Variants in RPRD2 observed in about 807,000 individuals in gnomAD.
RPRD2 encodes the protein regulation of nuclear pre-mRNA domain-containing protein 2.
A neutral mutation model predicts 104.4 loss-of-function variants in RPRD2; 12 were observed. That is an observed-to-expected ratio of 0.11 (90% CI 0.07 to 0.19). The LOEUF (loss-of-function observed/expected upper bound fraction) is 0.19, where lower values mean the gene tolerates loss of function less well. Among genes scored for constraint, RPRD2 ranks in the 10% least tolerant of loss-of-function variants. RPRD2 has a pLI of 1.00. For synonymous variants in RPRD2, 714 were observed against 684.9 expected, an observed-to-expected ratio of 1.04 and a Z score of -0.66; for missense variants, 1,543 against 1,790.1, an observed-to-expected ratio of 0.86 and a Z score of 2.49.
chr1:150,395,431 C>T lies in RPRD2; in HGVS notation c.206-22165C>T, dbSNP rs1055281845. ...CATCACAGCACCACAGTTTCTTTAC[C>T]CATTGACTGATGGGCATTTGGGTTG... is the stretch of plus-strand genomic sequence containing the variant. On this transcript the variant is annotated intron_variant, in intron 1 of 10. Transcript: ENST00000369068. Among the ~76,000 whole-genome samples the T allele has an allele frequency of 4.7e-5, 7 of 149,918 alleles. No individual in the cohort carries two copies. In the East Asian group the frequency reaches 1.2e-3, roughly 25 times the overall value.
intron 1 of RPRD2, among the ~76,000 whole-genome samples, chr1:150,408,707 G>T (rs981042813): frequency 1.2e-4 from 18 of 152,132 alleles, no homozygotes; most frequent in Non-Finnish European, 2.9e-5. Flanking sequence ...TTATAGACAT[G>T]TACTTATTAT....
intron 1 of RPRD2, 56 bp downstream of exon 1, chr1:150,364,975 G>A: frequency 2.6e-6 from 4 of 1,565,380 alleles, no homozygotes; most frequent in Non-Finnish European, 3.5e-6. Context: ...AGGAAGTGTG[G>A]CCTGAAACGC....
chr1:150,439,103 G>A (rs1456473864), intron 2 of RPRD2, among the ~76,000 whole-genome samples: 6 of 152,080 alleles, frequency 3.9e-5, no homozygotes, highest in African/African-American at 9.7e-5. Context: ...AAAGTGCTGC[G>A]ATTACAGGCA....
At chr1:150,447,524 G>A (rs587657025) in intron 7 of RPRD2, among the ~76,000 whole-genome samples, 1 of 150,336 alleles carries the variant, frequency 6.7e-6, no homozygotes, top group East Asian at 2.0e-4. Flanking sequence ...AGTAGAGATG[G>A]GGTTTCTCCA....
Position 150,440,915 on chromosome 1 carries a change from G to C in RPRD2, c.336-8G>C. On this transcript the variant is annotated splice_polypyrimidine_tract_variant and splice_region_variant and intron_variant, in intron 2 of 10. Coordinates refer to ENST00000369068, the MANE Select transcript of RPRD2 (RefSeq NM_015203.5). ...TTATAGTCTGTATTACTTTTTCTTT[G>C]TTTTCAGGGATCCATCTGTCTCTAA... 2 of 1,451,572 alleles carry C rather than the reference G, an allele frequency of 1.4e-6. No individual in the cohort carries two copies. Among genetic ancestry groups the C allele is most frequent in the Non-Finnish European group, 1.9e-6 (2 of 1,056,236 alleles). The allele number at this position is 1,451,572 out of a possible 1,614,324, so 89.9% of individuals were successfully genotyped here.
In RPRD2 at chr1:150,402,148, C is replaced by T. The variant is rs1224322393; in HGVS notation, c.206-15448C>T. 4.0e-5 allele frequency among the ~76,000 whole-genome samples: 6 copies of T among 151,360 alleles called. No homozygotes were observed. In the South Asian group the frequency reaches 6.2e-4, roughly 16 times the overall value. On this transcript the variant is annotated intron_variant, in intron 1 of 10. Coordinates refer to ENST00000369068, the MANE Select transcript of RPRD2 (RefSeq NM_015203.5). ...TAATTTTTTGTATTTTTAGTAGAGA[C>T]GGGGTTTCACCATCTTGGCCAGGCT...
chr1:150,379,198 G>C (rs1392721726), intron 1 of RPRD2, among the ~76,000 whole-genome samples: 1 of 150,882 alleles, frequency 6.6e-6, no homozygotes, highest in Non-Finnish European at 1.5e-5. Context: ...CAGGAGAATT[G>C]CTTGAACCTG....
intron 2 of RPRD2, among the ~76,000 whole-genome samples, chr1:150,420,821 G>T (rs782206967): frequency 4.6e-5 from 7 of 152,008 alleles, no homozygotes; most frequent in Non-Finnish European, 7.4e-5. Flanking sequence ...GCAAGACCCC[G>T]TCTCAAGAAA....
At chr1:150,383,279 G>A (rs1190416600) in intron 1 of RPRD2, among the ~76,000 whole-genome samples, 1 of 150,324 alleles carries the variant, frequency 6.7e-6, no homozygotes, top group Non-Finnish European at 1.5e-5. Flanking sequence ...ACAGGTGTGA[G>A]CCACGAGACC....
intron 8 of RPRD2, among the ~76,000 whole-genome samples, chr1:150,457,803 G>C (rs1427023684): frequency 6.6e-6 from 1 of 152,180 alleles, no homozygotes; most frequent in Non-Finnish European, 1.5e-5. Flanking sequence ...ATGGGCGGTG[G>C]CTCATGCCTG....
At chr1:150,422,102 CACAGGGTCAGGAG>C (rs1327468209) in intron 2 of RPRD2, among the ~76,000 whole-genome samples, 1 of 151,752 alleles carries the variant, frequency 6.6e-6, no homozygotes, top group East Asian at 1.9e-4. Context: ...GAGGGTGGAT[CACAGGGTCAGGAG>C]ATCGAGACCA....
intron 1 of RPRD2, among the ~76,000 whole-genome samples, chr1:150,410,833 G>T (rs1553887496): frequency 6.6e-6 from 1 of 152,174 alleles, no homozygotes; most frequent in Non-Finnish European, 1.5e-5. Flanking sequence ...AGAGGTTGCA[G>T]AGTTCAAGAT....
At chr1:150,378,952 A>G (rs1024482461) in intron 1 of RPRD2, among the ~76,000 whole-genome samples, 60 of 147,232 alleles carry the variant, frequency 4.1e-4, no homozygotes, top group African/African-American at 1.5e-3. Flanking sequence ...ACTGCACATC[A>G]GCCTGGGCAA....
intron 1 of RPRD2, among the ~76,000 whole-genome samples, chr1:150,399,147 G>T (rs781856189): frequency 4.0e-5 from 6 of 151,880 alleles, no homozygotes; most frequent in Non-Finnish European, 8.8e-5. Context: ...GATCACAGAC[G>T]CAAGCCTCCT....
At chr1:150,422,781 C>T (rs1477029022) in intron 2 of RPRD2, among the ~76,000 whole-genome samples, 3 of 152,126 alleles carry the variant, frequency 2.0e-5, no homozygotes, top group African/African-American at 4.8e-5. Context: ...TTATTAGGGA[C>T]ATTAATTTTA....
chr1:150,460,559 C>T (rs1168295936), intron 9 of RPRD2, among the ~76,000 whole-genome samples: 4 of 151,840 alleles, frequency 2.6e-5, no homozygotes, highest in Non-Finnish European at 5.9e-5. Context: ...CCTGCTACCA[C>T]GCCCGGCTAA....
At chr1:150,388,501 A>ACG (rs1560159850) in intron 1 of RPRD2, among the ~76,000 whole-genome samples, 2 of 107,356 alleles carry the variant, frequency 1.9e-5, no homozygotes, top group Non-Finnish European at 4.1e-5. Context: ...ACCCGCGCAC[A>ACG]CACACACACA....
chr1:150,376,583 C>T (rs1320337731), intron 1 of RPRD2, among the ~76,000 whole-genome samples: 1 of 151,476 alleles, frequency 6.6e-6, no homozygotes, highest in African/African-American at 2.4e-5. Flanking sequence ...TCACTGCAAG[C>T]TCCGCCTCCC....
At chr1:150,403,424 T>A (rs1560173326) in intron 1 of RPRD2, among the ~76,000 whole-genome samples, 1 of 152,058 alleles carries the variant, frequency 6.6e-6, no homozygotes, top group African/African-American at 2.4e-5. Flanking sequence ...ACAATAACTC[T>A]CCATTCCCCA....
Sources: allele counts gnomAD v4.1 joint callset (sites outside exome capture counted in the v4.1 genomes callset), GRCh38; gene constraint gnomAD v4.1.1; transcripts MANE v1.5; gene names NCBI Gene and HGNC (gene_info 2026-07-23, HGNC 2026-07-21).